Variants in PCDHGA7 observed in about 807,000 individuals in gnomAD.
The protein encoded by PCDHGA7 is protocadherin gamma-A7.
PCDHGA7 carries 44 observed loss-of-function variants against 58.3 expected under a neutral mutation model. The ratio of observed to expected loss-of-function variants is 0.75; its 90% CI spans 0.59 to 0.97. The LOEUF is 0.97. Ranked by LOEUF, PCDHGA7 falls within the 50% of genes least tolerant of loss-of-function variation. The pLI is 0.00. For missense variants in PCDHGA7, 1,266 were observed against 1,188.7 expected, an observed-to-expected ratio of 1.06 and a Z score of -0.96; for synonymous variants, 516 against 504.2, an observed-to-expected ratio of 1.02 and a Z score of -0.31.
chr5:141,385,687 C>T, intron 1 of PCDHGA7: 1 of 334,978 alleles, frequency 3.0e-6, no homozygotes, highest in Non-Finnish European at 4.4e-6. Context: ...GCTGTCTTCT[C>T]AGGATTCTCT....
chr5:141,392,745 G>A, intron 1 of PCDHGA7: 1 of 1,441,296 alleles, frequency 6.9e-7, no homozygotes, highest in African/African-American at 1.4e-5. Flanking sequence ...CCATAGCTGC[G>A]GCAAGAAACT....
chr5:141,398,787 A>G, intron 1 of PCDHGA7: 2 of 1,613,902 alleles, frequency 1.2e-6, no homozygotes, highest in Non-Finnish European at 1.7e-6. Flanking sequence ...GTGGACATCC[A>G]CCCCTAAGCG....
chr5:141,410,352 G>T (rs754268147), intron 1 of PCDHGA7: 4 of 1,614,022 alleles, frequency 2.5e-6, no homozygotes, highest in South Asian at 2.2e-5. Flanking sequence ...CGCCTGCGAC[G>T]CTCTCTCAGC....
intron 1 of PCDHGA7, chr5:141,419,197 T>A (rs560134083): frequency 6.2e-7 from 1 of 1,613,966 alleles, no homozygotes; most frequent in East Asian, 2.2e-5. Flanking sequence ...CTGACGTCAA[T>A]GACAACGCGC....
chr5:141,467,535 G>C (rs2099145685), intron 1 of PCDHGA7, among the ~76,000 whole-genome samples: 1 of 152,176 alleles, frequency 6.6e-6, no homozygotes, highest in South Asian at 2.1e-4. Flanking sequence ...GCTGAGATAT[G>C]GATCTGATTA....
At position 141,383,565 on chromosome 5, in the gene PCDHGA7, A is replaced by G. The variant is rs1306554654; in HGVS notation, c.666A>G (p.Arg222=). Reference sequence around the variant, plus strand: ...CCTCTGATGGCGGCGACCCGCCCCGATCCAGCACCGCCCACATCCAGGTGA... The same window carrying G: ...CCTCTGATGGCGGCGACCCGCCCCGGTCCAGCACCGCCCACATCCAGGTGA... ...LTASDGGDPP[R]SSTAHIQVTV... is the part of the protein sequence containing the mutation. Residue 222 remains arginine (R), a synonymous_variant, in exon 1 of 4, where the codon CGA becomes CGG. Transcript: ENST00000518325. 3.1e-6 allele frequency: 5 copies of G among 1,613,204 alleles called. No homozygotes were observed. Among genetic ancestry groups the G allele is most frequent in the Non-Finnish European group, 4.2e-6 (5 of 1,179,700 alleles).
chr5:141,499,921 C>A, intron 2 of PCDHGA7, among the ~76,000 whole-genome samples: 1 of 152,128 alleles, frequency 6.6e-6, no homozygotes, highest in Middle Eastern at 3.2e-3. Context: ...CTCCTGGCCT[C>A]AAGTGATCCA....
chr5:141,427,930 T>C, intron 1 of PCDHGA7: 2 of 1,583,398 alleles, frequency 1.3e-6, no homozygotes. Flanking sequence ...CGGCGCATGT[T>C]GGTGGGCGAC....
rs1236959966 is a variant in PCDHGA7, at chr5:141,511,984, G to C, written c.*811G>C. On this transcript the variant is annotated 3_prime_UTR_variant, in exon 4 of 4. Transcript: ENST00000518325. ...GGGAAGTGTGTGGATGTGGATGGTGGGGGCATGGACAAAGCTTGACACATC... is the reference window on the plus strand; with the variant it reads ...GGGAAGTGTGTGGATGTGGATGGTGCGGGCATGGACAAAGCTTGACACATC... 1 of 153,294 alleles carries C rather than the reference G, an allele frequency of 6.5e-6. No individual in the cohort carries two copies. Among genetic ancestry groups the C allele is most frequent in the African/African-American group, 2.4e-5 (1 of 41,452 alleles). 9.5% of individuals were successfully genotyped at this position (153,294 alleles called of 1,614,324 possible). A position where few individuals can be genotyped will look rare whatever the true frequency, so the allele number is the denominator to read the frequency against.
At chr5:141,388,295 C>T (rs766909730) in intron 1 of PCDHGA7, 3 of 1,613,442 alleles carry the variant, frequency 1.9e-6, no homozygotes, top group East Asian at 2.2e-5. Flanking sequence ...CGCAAAATTC[C>T]TTTGAGCTGC....
chr5:141,505,583 T>A, intron 3 of PCDHGA7, 102 bp downstream of exon 3: 1 of 1,583,650 alleles, frequency 6.3e-7, no homozygotes, highest in Non-Finnish European at 8.6e-7. Context: ...ACCTGTGTAG[T>A]TTCTCCAGAT....
rs1015821056 is a variant in PCDHGA7 at position 141,397,642 on chromosome 5, T to C, written c.2424+12319T>C. On this transcript the variant is annotated intron_variant, in intron 1 of 3. Coordinates refer to ENST00000518325, the MANE Select transcript of PCDHGA7 (RefSeq NM_018920.4). Reference sequence around the variant, plus strand: ...TAGTTCTAGCTAAGAGTTCAAGGTATGTTTGCAGAATGGTGAAAGAATGGA... The same window carrying C: ...TAGTTCTAGCTAAGAGTTCAAGGTACGTTTGCAGAATGGTGAAAGAATGGA... Among the ~76,000 whole-genome samples, 3 of 152,236 alleles carry C rather than the reference T, an allele frequency of 2.0e-5. No individual in the cohort carries two copies. The East Asian group carries it at 5.8e-4, about 29-fold the overall frequency.
At chr5:141,389,842 C>T (rs779733638) in intron 1 of PCDHGA7, 21 of 1,614,018 alleles carry the variant, frequency 1.3e-5, no homozygotes, top group Non-Finnish European at 1.7e-5. Context: ...CCACCACTCT[C>T]GGCCACTGCC....
rs1227250624 is a variant in PCDHGA7, at chr5:141,409,019, G to A, written c.2424+23696G>A. 4 of 1,613,996 alleles carry A rather than the reference G, an allele frequency of 2.5e-6. 1 individual carries two copies. Among genetic ancestry groups the A allele is most frequent in the Middle Eastern group, 3.3e-4 (2 of 6,062 alleles). On this transcript the variant is annotated intron_variant, in intron 1 of 3. Coordinates refer to ENST00000518325, the MANE Select transcript of PCDHGA7 (RefSeq NM_018920.4). ...GACAGCCACTGACCAGGATGAGGGG[G>A]TCAATGCTGAGATAAACTACTACTT...
chr5:141,450,489 CTGTT>C (rs1372781820), intron 1 of PCDHGA7, among the ~76,000 whole-genome samples: 4 of 150,280 alleles, frequency 2.7e-5, no homozygotes, highest in Non-Finnish European at 2.9e-5. Context: ...GTTTGTTTGT[CTGTT>C]TGTTTGTTTT....
At chr5:141,393,592 G>C in intron 1 of PCDHGA7, 1 of 1,613,908 alleles carries the variant, frequency 6.2e-7, no homozygotes, top group Non-Finnish European at 8.5e-7. Context: ...CCAGGCACGC[G>C]GCTGCTTACT....
intron 1 of PCDHGA7, chr5:141,395,397 A>C: frequency 1.1e-6 from 1 of 895,314 alleles, no homozygotes; most frequent in Non-Finnish European, 1.6e-6. Flanking sequence ...TTGAACTCTA[A>C]TAGTCATAGG....
At chr5:141,447,371 C>G (rs1180989888) in intron 1 of PCDHGA7, among the ~76,000 whole-genome samples, 1 of 151,826 alleles carries the variant, frequency 6.6e-6, no homozygotes, top group African/African-American at 2.4e-5. Context: ...ACTCCTGACC[C>G]TGGTGATCTG....
rs767580455 is a variant in PCDHGA7 at position 141,402,948 on chromosome 5, C to G, written c.2424+17625C>G. The G allele has an allele frequency of 7.5e-6, 12 of 1,592,864 alleles. No individual in the cohort carries two copies. In the African/African-American group the frequency reaches 1.2e-4, roughly 16 times the overall value. On this transcript the variant is annotated intron_variant, in intron 1 of 3. Transcript: ENST00000518325. ...CTTTTGAGAAAATTCCAAAGCGAGG[C>G]AGCAATGGCAGCTCCAACCAAATGC... is the stretch of plus-strand genomic sequence containing the variant.
Sources: gnomAD v4.1 joint callset for allele counts (sites outside exome capture counted in the v4.1 genomes callset) on GRCh38, gnomAD v4.1.1 for gene constraint, MANE v1.5 for transcripts, NCBI Gene and HGNC (gene_info 2026-07-23, HGNC 2026-07-21) for gene names.